Variants in PCDH11X observed in about 807,000 individuals in gnomAD.
The protein encoded by PCDH11X is protocadherin-11 X-linked.
PCDH11X carries 18 observed loss-of-function variants against 53.3 expected under a neutral mutation model. The ratio of observed to expected loss-of-function variants is 0.34; its 90% CI spans 0.23 to 0.50. The LOEUF (loss-of-function observed/expected upper bound fraction) is 0.50, where lower values mean the gene tolerates loss of function less well. Among genes scored for constraint, PCDH11X ranks in the 20% least tolerant of loss-of-function variants. The pLI, the probability that PCDH11X is intolerant of heterozygous loss-of-function variation, is 0.98. For synonymous variants in PCDH11X, 279 were observed against 393.3 expected, an observed-to-expected ratio of 0.71 and a Z score of 3.44; for missense variants, 570 against 1,032.4, an observed-to-expected ratio of 0.55 and a Z score of 6.14.
At chrX:92,536,254 T>C (rs2074656507) in intron 10 of PCDH11X, among the ~76,000 whole-genome samples, 1 of 111,580 alleles carries the variant, frequency 9.0e-6, no homozygotes, top group South Asian at 3.7e-4. Context: ...AGATTGTTTA[T>C]GTACATTTTT....
chrX:92,073,647 T>C (rs2063735124), intron 6 of PCDH11X, among the ~76,000 whole-genome samples: 2 of 112,436 alleles, frequency 1.8e-5, no homozygotes, highest in South Asian at 3.6e-4. Flanking sequence ...TGTATGAATA[T>C]ATGCAGGATA....
At chrX:92,095,591 C>T (rs1225358994) in intron 6 of PCDH11X, among the ~76,000 whole-genome samples, 1 of 111,098 alleles carries the variant, frequency 9.0e-6, no homozygotes, top group Non-Finnish European at 1.9e-5. Flanking sequence ...ATTAAGCCTA[C>T]TTCAAAGCTT....
chrX:92,091,373 C>G (rs2064045480), intron 6 of PCDH11X, among the ~76,000 whole-genome samples: 1 of 110,092 alleles, frequency 9.1e-6, no homozygotes, highest in African/African-American at 3.3e-5. Context: ...TCTCTGTGGT[C>G]AGACATGCCT....
rs183078169 is a variant in PCDH11X at position 91,849,716 on chromosome X, T to C, written c.540+13672T>C. On this transcript the variant is annotated intron_variant, in intron 5 of 10. Coordinates refer to ENST00000682573, the MANE Select transcript of PCDH11X (RefSeq NM_032968.5). ...TTGTGATTTTATTAGTGTTTGATAA[T>C]GAAAACATAACTTCAAAGTCTATTA... is the stretch of plus-strand genomic sequence containing the variant. 9.6e-3 allele frequency among the ~76,000 whole-genome samples: 1,047 copies of C among 109,449 alleles called. 11 individuals are homozygous for C. Among genetic ancestry groups the C allele is most frequent in the Non-Finnish European group, 0.015 (809 of 52,489 alleles).
At chrX:91,863,329 A>G (rs1051587031) in intron 5 of PCDH11X, among the ~76,000 whole-genome samples, 18 of 111,503 alleles carry the variant, frequency 1.6e-4, no homozygotes, top group Non-Finnish European at 3.0e-4. Context: ...CTCTGACTGA[A>G]TTGAAACCTT....
intron 10 of PCDH11X, among the ~76,000 whole-genome samples, chrX:92,475,606 C>G (rs928728717): frequency 9.0e-6 from 1 of 111,532 alleles, no homozygotes; most frequent in Non-Finnish European, 1.9e-5. Context: ...TAAAATAATC[C>G]TTTCTTTATT....
chrX:91,785,854 A>C (rs1393645467), intron 1 of PCDH11X, among the ~76,000 whole-genome samples: 1 of 111,098 alleles, frequency 9.0e-6, no homozygotes, highest in Non-Finnish European at 1.9e-5. Context: ...TGTTAGGAGA[A>C]AACATCAAAT....
chrX:92,545,018 A>C (rs1477838413), intron 10 of PCDH11X, among the ~76,000 whole-genome samples: 2 of 111,330 alleles, frequency 1.8e-5, no homozygotes, highest in East Asian at 2.8e-4. Flanking sequence ...GTGAACAGAA[A>C]GTCTATTCAG....
intron 7 of PCDH11X, among the ~76,000 whole-genome samples, chrX:92,233,665 C>G (rs905689021): frequency 5.4e-5 from 6 of 111,179 alleles, no homozygotes. Flanking sequence ...AAATATTTAC[C>G]TGGAGCCAAC....
At chrX:92,265,900 A>C (rs1172955084) in intron 8 of PCDH11X, among the ~76,000 whole-genome samples, 1 of 112,201 alleles carries the variant, frequency 8.9e-6, no homozygotes, top group Non-Finnish European at 1.9e-5. Context: ...TAACGTTATA[A>C]AGGTGCTAAA....
chrX:92,231,331 T>C (rs1438988810), intron 7 of PCDH11X, among the ~76,000 whole-genome samples: 1 of 111,883 alleles, frequency 8.9e-6, no homozygotes, highest in East Asian at 2.8e-4. Context: ...ACTTCAGCCA[T>C]TTAAAATTTT....
At chrX:91,857,360 C>T (rs1373123449) in intron 5 of PCDH11X, among the ~76,000 whole-genome samples, 2 of 111,321 alleles carry the variant, frequency 1.8e-5, no homozygotes, top group Admixed American at 9.5e-5. Context: ...GGGGACACAG[C>T]GAAACCATAT....
At chrX:91,841,300 T>C (rs1011963379) in intron 5 of PCDH11X, among the ~76,000 whole-genome samples, 5 of 111,824 alleles carry the variant, frequency 4.5e-5, no homozygotes, top group African/African-American at 1.6e-4. Context: ...TAAATACATC[T>C]GTTATTAAAA....
intron 6 of PCDH11X, chrX:92,114,236 C>T (rs1354221844): frequency 1.7e-5 from 17 of 1,003,012 alleles, no homozygotes; most frequent in Non-Finnish European, 2.0e-5. Context: ...CCAGATCAGG[C>T]TTGAGCGATT....
In PCDH11X at chrX:92,570,391, A is replaced by T. The variant is rs1922060726; in HGVS notation, c.3368-47873A>T. On this transcript the variant is annotated intron_variant, in intron 10 of 10. Transcript: ENST00000682573. ...AATGATGTTTTGTTTAACATAAATTACTTGATCATGTTAGTCTATTGAGCA... is the reference window on the plus strand; with the variant it reads ...AATGATGTTTTGTTTAACATAAATTTCTTGATCATGTTAGTCTATTGAGCA... 5.3e-5 allele frequency among the ~76,000 whole-genome samples: 6 copies of T among 112,169 alleles called. No homozygotes were observed. The South Asian group carries it at 1.1e-3, about 21-fold the overall frequency.
At position 92,618,898 on chromosome X, in the gene PCDH11X, G is replaced by A. The variant is rs80336085; in HGVS notation, c.4002G>A (p.Pro1334=). Residue 1334 remains proline (P), a synonymous_variant, in exon 11 of 11, where the codon CCG becomes CCA. Coordinates refer to ENST00000682573, the MANE Select transcript of PCDH11X (RefSeq NM_032968.5). Reference sequence around the variant, plus strand: ...TCACTCCACGCCAACAGGCCAGACCGTCCAGAGGTGATTCCCCCATTATGG... The same window carrying A: ...TCACTCCACGCCAACAGGCCAGACCATCCAGAGGTGATTCCCCCATTATGG... ...TTFTPRQQAR[P]SRGDSPIMEE... The A allele has an allele frequency of 5.6e-4, 673 of 1,210,466 alleles. 3 individuals are homozygous for A. In the African/African-American group the frequency reaches 0.011, roughly 19 times the overall value.
At chrX:92,013,090 T>C (rs777616988) in intron 6 of PCDH11X, among the ~76,000 whole-genome samples, 344 of 111,302 alleles carry the variant, frequency 3.1e-3, no homozygotes, top group African/African-American at 0.011. Context: ...GAAGTCAAAT[T>C]GTCCCTGTTT....
rs746435328 is a variant in PCDH11X, at chrX:92,618,387, C to T, written c.3491C>T (p.Ser1164Leu). 23 of 1,210,013 alleles carry T rather than the reference C, an allele frequency of 1.9e-5. No homozygotes were observed. The highest frequency in any genetic ancestry group is 8.9e-5 in the East Asian group (3 of 33,747). The change falls in exon 11 of 11, where the codon TCG becomes TTG. Residue 1164 changes from serine to leucine, a missense_variant. Physicochemically the swap from Ser to Leu is moderately radical, Grantham distance 145. Around this residue, in one of 6 missense-constraint regions of PCDH11X, gnomAD observed 234 missense variants for 296.1 expected, o/e 0.79. Transcript: ENST00000682573. ...GCATCTCTGGATCATTCCAGCTCTT[C>T]GCAAGCACAGGCCTCTGCTCTATGC... Reference protein sequence around the residue: ...MPASLDHSSSSQAQASALCHS... With the variant: ...MPASLDHSSSLQAQASALCHS...
chrX:92,475,907 A>T (rs2073373235), intron 10 of PCDH11X, among the ~76,000 whole-genome samples: 1 of 111,552 alleles, frequency 9.0e-6, no homozygotes, highest in Non-Finnish European at 1.9e-5. Flanking sequence ...ATTTTCAAAT[A>T]GCTTATCTTC....
Sources: gnomAD v4.1 joint callset for allele counts (sites outside exome capture counted in the v4.1 genomes callset) on GRCh38, gnomAD v4.1.1 for gene constraint, gnomAD v4.1.1 regional missense constraint, MANE v1.5 for transcripts, NCBI Gene and HGNC (gene_info 2026-07-23, HGNC 2026-07-21) for gene names.